Variants in NUP133 observed in about 807,000 individuals in gnomAD.
NUP133 encodes nuclear pore complex protein Nup133.
NUP133 carries 66 observed loss-of-function variants against 146.2 expected under a neutral mutation model. That is an observed-to-expected ratio of 0.45 (90% CI 0.37 to 0.55). The LOEUF is 0.55. Among genes scored for constraint, NUP133 ranks in the 20% least tolerant of loss-of-function variants. The probability of loss-of-function intolerance (pLI) is 0.00; values close to 1 mark genes in which losing one functional copy is unlikely to be tolerated. For missense variants in NUP133, 1,277 were observed against 1,374.8 expected, an observed-to-expected ratio of 0.93 and a Z score of 1.12; for synonymous variants, 521 against 498.8, an observed-to-expected ratio of 1.04 and a Z score of -0.59.
chr1:229,465,636 G>T, intron 16 of NUP133, 117 bp from the exon 17 acceptor site: 1 of 759,246 alleles, frequency 1.3e-6, no homozygotes. Context: ...GGCCAGGAAT[G>T]TTGGCTCACA....
At chr1:229,480,257 G>A (rs1661177059) in intron 12 of NUP133, among the ~76,000 whole-genome samples, 1 of 152,174 alleles carries the variant, frequency 6.6e-6, no homozygotes, top group Non-Finnish European at 1.5e-5. Flanking sequence ...GAAGTGGGAG[G>A]AGACTGGAAA....
chr1:229,503,986 T>C (rs577114407), intron 2 of NUP133, among the ~76,000 whole-genome samples: 8 of 152,234 alleles, frequency 5.3e-5, no homozygotes, highest in Admixed American at 5.2e-4. Context: ...CCAATATATA[T>C]ATATACATTT....
At chr1:229,448,269 A>C (rs1286693876) in intron 24 of NUP133, among the ~76,000 whole-genome samples, 3 of 152,096 alleles carry the variant, frequency 2.0e-5, no homozygotes, top group Non-Finnish European at 4.4e-5. Flanking sequence ...TCTCTACTAA[A>C]AATACAAAAT....
In NUP133 at chr1:229,458,274, A is replaced by G; in HGVS notation, c.2867T>C (p.Leu956Ser). ...LEKAHATLLG[L>S]ANMETRYFAK... ...AAAGTAACGAGTTTCCATATTTGCC[A>G]AACCCAGAAGTGTTGCATGAGCCTA... is the stretch of plus-strand genomic sequence containing the variant. Residue 956 changes from leucine to serine, a missense_variant, in exon 21 of 26, where the codon TTG becomes TCG. Leu to Ser is a moderately radical substitution (Grantham distance 145). This residue lies in a region of NUP133 where 952 missense variants were observed against 1,047.0 expected (regional missense o/e 0.91). Coordinates refer to ENST00000261396, the MANE Select transcript of NUP133 (RefSeq NM_018230.3). 1 of 1,613,532 alleles carries G rather than the reference A, an allele frequency of 6.2e-7. No homozygotes were observed. Among genetic ancestry groups the G allele is most frequent in the Non-Finnish European group, 8.5e-7 (1 of 1,179,628 alleles).
intron 11 of NUP133, among the ~76,000 whole-genome samples, chr1:229,485,815 C>T (rs1289346724): frequency 9.9e-5 from 15 of 152,276 alleles, no homozygotes; most frequent in Middle Eastern, 6.8e-3. Context: ...TGCATCATTA[C>T]GTCTTTGAAA....
At chr1:229,475,837 C>A in intron 13 of NUP133, 105 bp from the exon 14 acceptor site, 1 of 880,104 alleles carries the variant, frequency 1.1e-6, no homozygotes, top group South Asian at 1.5e-5. Context: ...AGGCTAGGCA[C>A]GGTGGCTCAC....
chr1:229,499,305 A>G (rs1030898093), intron 5 of NUP133: 4 of 467,230 alleles, frequency 8.6e-6, no homozygotes, highest in Non-Finnish European at 1.3e-5. Context: ...AAAGAAATTC[A>G]TATCACAAGC....
In NUP133 at chr1:229,508,132, C is replaced by T. The variant is rs754442919; in HGVS notation, c.118G>A (p.Gly40Arg). Residue 40 changes from glycine to arginine, a missense_variant, in exon 1 of 26, where the codon GGG (glycine) becomes AGG (arginine). Gly to Arg is a moderately radical substitution (Grantham distance 125). Transcript: ENST00000261396. ...RTASRKGLPLGSAVSSPVLFS... is the reference protein window; with the variant it reads ...RTASRKGLPLRSAVSSPVLFS... Reference sequence around the variant, plus strand: ...AGCACTGGGGAGCTGACTGCAGACCCCAGGGGCAGACCCTTCCTGCTAGCC... The same window carrying T: ...AGCACTGGGGAGCTGACTGCAGACCTCAGGGGCAGACCCTTCCTGCTAGCC... The T allele has an allele frequency of 4.4e-6, 7 of 1,595,468 alleles. No individual in the cohort carries two copies. In the South Asian group the frequency reaches 5.6e-5, roughly 13 times the overall value.
intron 8 of NUP133, among the ~76,000 whole-genome samples, chr1:229,490,669 T>C (rs559360097): frequency 6.5e-4 from 99 of 152,238 alleles, no homozygotes; most frequent in African/African-American, 1.9e-3. Flanking sequence ...CTGTCAAAAT[T>C]TGTAGAATTA....
intron 23 of NUP133, among the ~76,000 whole-genome samples, chr1:229,449,851 T>TATATATATATATATATATATATATA (rs1660401047): frequency 1.2e-4 from 8 of 67,648 alleles, no homozygotes; most frequent in African/African-American, 4.8e-4. Context: ...TATGAAGATT[T>TATATATATATATATATATATATATA]TATATATATA....
chr1:229,498,116 T>C lies in NUP133; in HGVS notation c.819+20A>G, dbSNP rs761680368. The C allele has an allele frequency of 6.6e-7, 1 of 1,515,910 alleles. No homozygotes were observed. 93.9% of individuals were successfully genotyped at this position (1,515,910 alleles called of 1,614,324 possible). A position where few individuals can be genotyped will look rare whatever the true frequency, so the allele number is the denominator to read the frequency against. On this transcript the variant is annotated intron_variant, in intron 6 of 25. Coordinates refer to ENST00000261396, the MANE Select transcript of NUP133 (RefSeq NM_018230.3). ...TTAACTAAGAAATAAGCTTGTAAAA[T>C]AGTTATTTTATAAACTTACTGTGAG...
At chr1:229,467,789 G>A (rs778018615) in intron 15 of NUP133, among the ~76,000 whole-genome samples, 34 of 152,070 alleles carry the variant, frequency 2.2e-4, no homozygotes, top group South Asian at 2.1e-4. Context: ...GCTGGGCGTC[G>A]TGGCGTGCAC....
At chr1:229,502,558 C>CAAAAAAAAAAA (rs58520087) in intron 2 of NUP133, among the ~76,000 whole-genome samples, 83 of 42,534 alleles carry the variant, frequency 2.0e-3, no homozygotes, top group East Asian at 4.2e-3. Context: ...GACTCCATCT[C>CAAAAAAAAAAA]AAAAAAAAAA....
At chr1:229,461,344 G>A (rs1315893886) in intron 19 of NUP133, among the ~76,000 whole-genome samples, 1 of 152,234 alleles carries the variant, frequency 6.6e-6, no homozygotes, top group Non-Finnish European at 1.5e-5. Flanking sequence ...TGGAGGCTGA[G>A]CTGGAGAGGA....
At chr1:229,474,142 A>G (rs751521015) in intron 14 of NUP133, among the ~76,000 whole-genome samples, 1 of 152,206 alleles carries the variant, frequency 6.6e-6, no homozygotes, top group Non-Finnish European at 1.5e-5. Context: ...AGAACCACAT[A>G]GCCTCTGTTG....
In NUP133 at chr1:229,490,777, A is replaced by G. The variant is rs374436011; in HGVS notation, c.1047-675T>C. Reference sequence around the variant, plus strand: ...CAGGAGTTCAAGACCAGCCTGGCCAACGTGGCAAAACCATCTCTATAAAAA... The same window carrying G: ...CAGGAGTTCAAGACCAGCCTGGCCAGCGTGGCAAAACCATCTCTATAAAAA... On this transcript the variant is annotated intron_variant, in intron 8 of 25. Transcript: ENST00000261396. 6.6e-5 allele frequency among the ~76,000 whole-genome samples: 10 copies of G among 152,242 alleles called. No homozygotes were observed. In the East Asian group the frequency reaches 7.7e-4, roughly 12 times the overall value.
At chr1:229,471,836 T>C (rs538739962) in intron 14 of NUP133, among the ~76,000 whole-genome samples, 1 of 152,346 alleles carries the variant, frequency 6.6e-6, no homozygotes, top group African/African-American at 2.4e-5. Context: ...TCACACTGTA[T>C]ATATTGTTCT....
At chr1:229,496,243 A>G (rs888947401) in intron 6 of NUP133, among the ~76,000 whole-genome samples, 196 bp from the exon 7 acceptor site, 4 of 152,048 alleles carry the variant, frequency 2.6e-5, no homozygotes, top group Admixed American at 2.6e-4. Flanking sequence ...GGAGGCCGAG[A>G]CAGGTGGATT....
intron 2 of NUP133, among the ~76,000 whole-genome samples, chr1:229,503,573 T>C (rs923180357): frequency 6.6e-5 from 10 of 152,378 alleles, no homozygotes; most frequent in African/African-American, 2.4e-4. Flanking sequence ...TTTTATTAAG[T>C]TGAGCTTTGC....
Sources: allele counts gnomAD v4.1 joint callset (sites outside exome capture counted in the v4.1 genomes callset), GRCh38; gene constraint gnomAD v4.1.1; regional missense constraint gnomAD v4.1.1; transcripts MANE v1.5; gene names NCBI Gene and HGNC (gene_info 2026-07-23, HGNC 2026-07-21).